MYL11: variants seen among roughly 807,000 people sequenced by gnomAD.
MYL11 encodes the protein myosin regulatory light chain 11.
chr16:30,376,765 C>G, the MYL11 span: 1 of 1,484,422 alleles, frequency 6.7e-7, no homozygotes. Context: ...ACACTGACAG[C>G]CTCCTTAAAT....
At chr16:30,375,308 T>C in the MYL11 span, among the ~76,000 whole-genome samples, 1 of 151,624 alleles carries the variant, frequency 6.6e-6, no homozygotes, top group African/African-American at 2.4e-5. Context: ...CTACTAAAAA[T>C]ACAAAAATTA....
chr16:30,373,147 T>G, the MYL11 span: 1 of 152,248 alleles, frequency 6.6e-6, no homozygotes, highest in African/African-American at 2.4e-5. Flanking sequence ...CAAAGCATCT[T>G]GCCTCAAAAA....
the MYL11 span, among the ~76,000 whole-genome samples, chr16:30,375,286 G>A: frequency 6.6e-6 from 1 of 152,052 alleles, no homozygotes; most frequent in Non-Finnish European, 1.5e-5. Context: ...GCCAACAGGC[G>A]AAACCCCGTC....
chr16:30,373,963 C>T, the MYL11 span, among the ~76,000 whole-genome samples: 3 of 151,932 alleles, frequency 2.0e-5, no homozygotes, highest in Non-Finnish European at 4.4e-5. Context: ...CAGCCTAGCA[C>T]GTGGCACACT....
At chr16:30,377,849 C>G in the MYL11 span, 1 of 1,614,160 alleles carries the variant, frequency 6.2e-7, no homozygotes, top group Non-Finnish European at 8.5e-7. Flanking sequence ...ACGTCGACTA[C>G]AAAAACATCT....
chr16:30,376,215 C>A, the MYL11 span: 1 of 1,613,872 alleles, frequency 6.2e-7, no homozygotes, highest in African/African-American at 1.3e-5. Flanking sequence ...ACCTTCGCAG[C>A]CATGGGTGAG....
At chr16:30,376,719 C>T in the MYL11 span, 11 of 1,604,166 alleles carry the variant, frequency 6.9e-6, no homozygotes, top group African/African-American at 9.4e-5. Context: ...GCTCCCCCAC[C>T]CTTCCGACCC....
At chr16:30,370,974 A>T in the MYL11 span, 11 of 152,312 alleles carry the variant, frequency 7.2e-5, no homozygotes, top group African/African-American at 2.7e-4. Flanking sequence ...CAATAGGAAG[A>T]GCTGAAGAAT....
chr16:30,376,533 T>C, the MYL11 span: 2 of 1,613,832 alleles, frequency 1.2e-6, no homozygotes, highest in Non-Finnish European at 1.7e-6. Context: ...CAAGGGTGAG[T>C]GGAGTGTCCT....
At chr16:30,375,406 G>A in the MYL11 span, among the ~76,000 whole-genome samples, 12 of 151,532 alleles carry the variant, frequency 7.9e-5, no homozygotes, top group African/African-American at 2.4e-4. Flanking sequence ...CAGAGGTTGC[G>A]GTAAGCCGAG....
At chr16:30,377,734 C>G in the MYL11 span, 1 of 1,589,218 alleles carries the variant, frequency 6.3e-7, no homozygotes, top group Non-Finnish European at 8.6e-7. Flanking sequence ...GCCGGAGCAG[C>G]AAAGGGGCTG....
At chr16:30,374,821 G>T in the MYL11 span, 1 of 1,612,420 alleles carries the variant, frequency 6.2e-7, no homozygotes, top group Non-Finnish European at 8.5e-7. Flanking sequence ...CTTCTTTCCA[G>T]CCGGAGCCGC....
chr16:30,374,800 C>T, the MYL11 span: 1 of 1,606,518 alleles, frequency 6.2e-7, no homozygotes, highest in Non-Finnish European at 8.5e-7. Flanking sequence ...CTGCCCCATG[C>T]TGACTCCTTG....
At chr16:30,376,505 C>T in the MYL11 span, 6 of 1,614,144 alleles carry the variant, frequency 3.7e-6, no homozygotes, top group Admixed American at 6.7e-5. Flanking sequence ...TCTTCCTGAC[C>T]ATGTTCGGGG....
At chr16:30,376,273 T>C in the MYL11 span, 1 of 1,596,428 alleles carries the variant, frequency 6.3e-7, no homozygotes, top group Non-Finnish European at 8.6e-7. Flanking sequence ...GTCTAGGAAA[T>C]TCAGTGGCCT....
chr16:30,374,841 C>A, the MYL11 span: 1 of 1,613,476 alleles, frequency 6.2e-7, no homozygotes, highest in Non-Finnish European at 8.5e-7. Flanking sequence ...CTGCCTTGCC[C>A]CCCGGAGACT....
chr16:30,375,249 T>C, the MYL11 span, among the ~76,000 whole-genome samples: 1 of 152,078 alleles, frequency 6.6e-6, no homozygotes, highest in Admixed American at 6.5e-5. Flanking sequence ...TTGGATCACT[T>C]GAAGCCAGGA....
At chr16:30,377,468 TA>T in the MYL11 span, 1 of 511,012 alleles carries the variant, frequency 2.0e-6, no homozygotes, top group Non-Finnish European at 3.3e-6. Flanking sequence ...TAATGGGCGG[TA>T]AGATTGCATT....
At chr16:30,375,879 G>A in the MYL11 span, 1 of 1,614,136 alleles carries the variant, frequency 6.2e-7, no homozygotes, top group Non-Finnish European at 8.5e-7. Context: ...TCTTCTCCAT[G>A]TTCGACCAGA....
Sources: gnomAD v4.1 joint callset for allele counts (sites outside exome capture counted in the v4.1 genomes callset) on GRCh38, gnomAD v4.1.1 for gene constraint, MANE v1.5 for transcripts, NCBI Gene and HGNC (gene_info 2026-07-23, HGNC 2026-07-21) for gene names.